Variants in MAD2L2 observed in about 807,000 individuals in gnomAD.
MAD2L2 encodes the protein mitotic spindle assembly checkpoint protein MAD2B.
In MAD2L2, 17 loss-of-function variants were observed where a neutral mutation model predicts 30.5. The observed-to-expected ratio is 0.56, with a 90% confidence interval of 0.38 to 0.84. The LOEUF (loss-of-function observed/expected upper bound fraction) is 0.84. Ranked by LOEUF, MAD2L2 falls within the 40% of genes least tolerant of loss-of-function variation. The probability of loss-of-function intolerance (pLI) is 0.00; values close to 1 mark genes in which losing one functional copy is unlikely to be tolerated. For synonymous variants in MAD2L2, 101 were observed against 113.9 expected (o/e 0.89, Z 0.72); for missense variants, 213 against 277.4 (o/e 0.77, Z 1.65).
At chr1:11,678,891 A>G (rs1377384168) in intron 3 of MAD2L2, among the ~76,000 whole-genome samples, 2 of 152,160 alleles carry the variant, frequency 1.3e-5, no homozygotes, top group African/African-American at 2.4e-5. Flanking sequence ...GTTTCATAAT[A>G]AAGTGCTCAC....
chr1:11,679,975 A>C (rs1640839253), intron 3 of MAD2L2, among the ~76,000 whole-genome samples: 1 of 144,960 alleles, frequency 6.9e-6, no homozygotes, highest in Non-Finnish European at 1.5e-5. Flanking sequence ...CTTGGCCCGA[A>C]GTGGAAGAGG....
At chr1:11,675,863 G>T (rs752413643) in intron 6 of MAD2L2, 132 bp from the exon 7 acceptor site, 4 of 928,314 alleles carry the variant, frequency 4.3e-6, no homozygotes, top group Non-Finnish European at 7.1e-6. Flanking sequence ...GCTAAGAAAA[G>T]CCCCAGTCAA....
intron 7 of MAD2L2, 117 bp downstream of exon 7, chr1:11,675,541 A>T: frequency 3.0e-6 from 3 of 1,001,258 alleles, no homozygotes; most frequent in Non-Finnish European, 4.7e-6. Flanking sequence ...GCTGGGTGCC[A>T]GGCGCTGCCA....
chr1:11,683,122 G>A (rs1311052639), upstream of MAD2L2, among the ~76,000 whole-genome samples: 6 of 152,178 alleles, frequency 3.9e-5, no homozygotes, highest in Non-Finnish European at 5.9e-5. Flanking sequence ...TGGGGCCTGG[G>A]GTGGGGAAAC....
chr1:11,686,517 C>T (rs1313279776), intron 1 of MAD2L2, among the ~76,000 whole-genome samples: 1 of 152,194 alleles, frequency 6.6e-6, no homozygotes, highest in African/African-American at 2.4e-5. Context: ...GTTCCTGCTT[C>T]AGCCTCCCAA....
At chr1:11,677,010 C>T in intron 4 of MAD2L2, 62 bp from the exon 5 acceptor site, 1 of 1,230,528 alleles carries the variant, frequency 8.1e-7, no homozygotes, top group Non-Finnish European at 1.2e-6. Context: ...ACCACCCTGC[C>T]TCCACCCCCT....
intron 5 of MAD2L2, 121 bp from the exon 6 acceptor site, chr1:11,676,261 C>T (rs1640767524): frequency 3.2e-6 from 2 of 630,052 alleles, no homozygotes; most frequent in Admixed American, 5.8e-5. Context: ...TGCTGCATGC[C>T]TAGGACCCAG....
rs1332931313 is a variant in MAD2L2 at position 11,686,163 on chromosome 1, C to T, written c.-691-4147G>A. ...TTCCATTTCCCAAGGCAGCAGGCAA[C>T]TCCCAAGGTGCCCTAGGGAGGACAC... On this transcript the variant is annotated intron_variant, in intron 1 of 10. Coordinates refer to the MAD2L2 transcript ENST00000235310. 3.3e-5 allele frequency among the ~76,000 whole-genome samples: 5 copies of T among 152,298 alleles called. No individual in the cohort carries two copies. In the South Asian group the frequency reaches 1.0e-3, roughly 32 times the overall value.
Position 11,674,721 on chromosome 1 carries a change from G to T in MAD2L2, c.*54C>A. On this transcript the variant is annotated 3_prime_UTR_variant, in exon 9 of 9. Coordinates refer to ENST00000376692, the MANE Select transcript of MAD2L2 (RefSeq NM_006341.4). The surrounding 1 kb of genome is among the most constrained non-coding windows in gnomAD (Gnocchi z 6.1). Reference sequence around the variant, plus strand: ...GCAGCCATGCAGCACTGCCCTAGGCGGGGATCCCCCAAAGTCTGACAGTTT... The same window carrying T: ...GCAGCCATGCAGCACTGCCCTAGGCTGGGATCCCCCAAAGTCTGACAGTTT... 1 of 1,587,760 alleles carries T rather than the reference G, an allele frequency of 6.3e-7. No homozygotes were observed. Among genetic ancestry groups the T allele is most frequent in the Non-Finnish European group, 8.6e-7 (1 of 1,157,414 alleles).
intron 3 of MAD2L2, among the ~76,000 whole-genome samples, 153 bp from the exon 4 acceptor site, chr1:11,677,767 G>T (rs1323689255): frequency 6.6e-6 from 1 of 152,138 alleles, no homozygotes; most frequent in African/African-American, 2.4e-5. Context: ...TCCCTCAAGA[G>T]GCTAAGAACT....
chr1:11,679,879 C>T (rs1377329864), intron 3 of MAD2L2, among the ~76,000 whole-genome samples: 1 of 151,284 alleles, frequency 6.6e-6, no homozygotes, highest in Non-Finnish European at 1.5e-5. Flanking sequence ...GCAAGGGGAA[C>T]TCTCTTCTGA....
rs201343939 is a variant in MAD2L2 at position 11,680,637 on chromosome 1, G to A, written c.-12-24C>T. 2.9e-5 allele frequency: 45 copies of A among 1,526,676 alleles called. No homozygotes were observed. The Admixed American group carries it at 3.5e-4, about 12-fold the overall frequency. The allele number at this position is 1,526,676 out of a possible 1,614,324, so 94.6% of individuals were successfully genotyped here. A position where few individuals can be genotyped will look rare whatever the true frequency, so the allele number is the denominator to read the frequency against. Reference sequence around the variant, plus strand: ...ACCTGAGTGTTGGGGCAAGGGCAGAGGGTAGTTCCAGAGACCCAGGAGCCC... The same window carrying A: ...ACCTGAGTGTTGGGGCAAGGGCAGAAGGTAGTTCCAGAGACCCAGGAGCCC... On this transcript the variant is annotated intron_variant, in intron 1 of 8. Transcript: ENST00000376692.
At chr1:11,680,680 A>G in intron 1 of MAD2L2, 67 bp from the exon 2 acceptor site, 2 of 1,499,854 alleles carry the variant, frequency 1.3e-6, no homozygotes, top group South Asian at 1.4e-5. Context: ...GCTCGCTTCC[A>G]CCGTCTCTTC....
chr1:11,677,186 G>A, intron 4 of MAD2L2: 1 of 610,494 alleles, frequency 1.6e-6, no homozygotes, highest in Non-Finnish European at 2.9e-6. Context: ...CAGGAAGTCT[G>A]AGATCAGGAC....
chr1:11,675,067 C>T lies in MAD2L2; in HGVS notation c.594+15G>A, dbSNP rs1348405016. The stretch of plus-strand genomic sequence containing the variant: ...AGCCCCTAAATAAAGCTTCCCGGGT[C>T]CCCACGAAGCTCACCTTTAAAATGT... On this transcript the variant is annotated intron_variant, in intron 8 of 8. Coordinates refer to ENST00000376692, the MANE Select transcript of MAD2L2 (RefSeq NM_006341.4). 1.9e-6 allele frequency: 3 copies of T among 1,562,402 alleles called. No individual in the cohort carries two copies. Among genetic ancestry groups the T allele is most frequent in the East Asian group, 2.3e-5 (1 of 44,310 alleles).
At chr1:11,683,378 GTACCCACCC>G (rs1283633073), upstream of MAD2L2, among the ~76,000 whole-genome samples, 10 of 152,196 alleles carry the variant, frequency 6.6e-5, no homozygotes, top group African/African-American at 2.4e-4. Context: ...TGACACTGGA[GTACCCACCC>G]TGTCAACTAG....
chr1:11,689,613 G>A (rs1031001609), intron 1 of MAD2L2, among the ~76,000 whole-genome samples: 21 of 152,124 alleles, frequency 1.4e-4, no homozygotes, highest in African/African-American at 4.6e-4. Context: ...AACAAAAGGC[G>A]GGGGGAGGGG....
intron 1 of MAD2L2, among the ~76,000 whole-genome samples, chr1:11,689,043 C>T (rs1641011934): frequency 6.6e-6 from 1 of 152,174 alleles, no homozygotes. Flanking sequence ...CCCCTGTAAC[C>T]CTAGCACTTT....
chr1:11,684,902 C>T (rs894712291), upstream of MAD2L2, among the ~76,000 whole-genome samples: 1 of 150,172 alleles, frequency 6.7e-6, no homozygotes, highest in African/African-American at 2.5e-5. Flanking sequence ...AGTGCCTGGC[C>T]AAATTCAGGT....
Sources: gnomAD v4.1 joint callset for allele counts (sites outside exome capture counted in the v4.1 genomes callset) on GRCh38, gnomAD v4.1.1 for gene constraint, Gnocchi (gnomAD v3.1) non-coding constraint, MANE v1.5 for transcripts, NCBI Gene and HGNC (gene_info 2026-07-23, HGNC 2026-07-21) for gene names.